The following CNR2 variants were observed in gnomAD, a reference collection of about 807,000 sequenced individuals.
The protein encoded by CNR2 is cannabinoid receptor 2.
For missense variants in CNR2, 379 were observed against 439.9 expected, an observed-to-expected ratio of 0.86 and a Z score of 1.24; for synonymous variants, 172 against 182.2, an observed-to-expected ratio of 0.94 and a Z score of 0.45.
At chr1:23,880,003 T>G (rs1281841168) in intron 1 of CNR2, among the ~76,000 whole-genome samples, 1 of 152,184 alleles carries the variant, frequency 6.6e-6, no homozygotes, top group African/African-American at 2.4e-5. Context: ...GGCTTCTTAA[T>G]CAGTCTTCTC....
chr1:23,879,485 T>C (rs537024777), intron 1 of CNR2, among the ~76,000 whole-genome samples: 3 of 152,246 alleles, frequency 2.0e-5, no homozygotes, highest in African/African-American at 7.2e-5. Context: ...TGGTGACATA[T>C]GCCTGTATTC....
intron 1 of CNR2, among the ~76,000 whole-genome samples, chr1:23,890,775 GACCCTCTTGACCT>G (rs1640177208): frequency 6.7e-6 from 1 of 149,728 alleles, no homozygotes; most frequent in African/African-American, 2.5e-5. Context: ...AGATCAAAGT[GACCCTCTTGACCT>G]GCTGCCCAGC....
At chr1:23,902,350 G>C in intron 1 of CNR2, 2 of 1,576,480 alleles carry the variant, frequency 1.3e-6, no homozygotes, top group Non-Finnish European at 1.7e-6. Context: ...TCAAACAGCC[G>C]GCTCTGGGAC....
intron 1 of CNR2, among the ~76,000 whole-genome samples, chr1:23,896,865 C>T (rs1174237572): frequency 6.9e-6 from 1 of 145,356 alleles, no homozygotes; most frequent in African/African-American, 2.6e-5. Flanking sequence ...TCAGTAGGTC[C>T]ATCTGCACCA....
rs982637789 is a variant in CNR2, at chr1:23,900,340, C to T, written c.-46+12906G>A. 3.9e-5 allele frequency among the ~76,000 whole-genome samples: 6 copies of T among 152,122 alleles called. No homozygotes were observed. The South Asian group carries it at 6.2e-4, about 16-fold the overall frequency. On this transcript the variant is annotated intron_variant, in intron 1 of 1. Transcript: ENST00000374472. ...GAGTAATAATAAAATTCCGGTCTCCCGCACAGCCAGCTCTGCATAAATTAC... is the reference window on the plus strand; with the variant it reads ...GAGTAATAATAAAATTCCGGTCTCCTGCACAGCCAGCTCTGCATAAATTAC...
chr1:23,902,772 T>C (rs1160786616), intron 1 of CNR2: 1 of 1,489,582 alleles, frequency 6.7e-7, no homozygotes, highest in Admixed American at 2.3e-5. Context: ...GGGTGGTTGT[T>C]GCCAAGTGTG....
chr1:23,878,413 GA>G (rs1180357562), intron 1 of CNR2, among the ~76,000 whole-genome samples: 1 of 149,884 alleles, frequency 6.7e-6, no homozygotes, highest in African/African-American at 2.5e-5. Context: ...AGACTATTCA[GA>G]TTTGGAAATC....
intron 1 of CNR2, among the ~76,000 whole-genome samples, chr1:23,894,433 A>T (rs76490496): frequency 0.18 from 26,254 of 149,700 alleles, 2,481 homozygotes; most frequent in East Asian, 0.35. Context: ...AAAAAAAAAA[A>T]TTTTTTTAAT....
intron 1 of CNR2, chr1:23,901,637 A>G (rs1640400448): frequency 1.3e-6 from 2 of 1,558,350 alleles, no homozygotes; most frequent in East Asian, 4.5e-5. Flanking sequence ...AGCACTGGCC[A>G]TGTAGAAGGT....
At position 23,873,027 on chromosome 1, in the gene CNR2, T is replaced by A. The variant is rs1639790222; in HGVS notation, c.*1508A>T. ...CATGTTTATGAGATGAATGAATAAG[T>A]GAATAGCTAGTGGATATTTTGTCTT... is the stretch of plus-strand genomic sequence containing the variant. On this transcript the variant is annotated 3_prime_UTR_variant, in exon 2 of 2. Coordinates refer to ENST00000374472, the MANE Select transcript of CNR2 (RefSeq NM_001841.3). 1 of 152,194 alleles carries A rather than the reference T, an allele frequency of 6.6e-6. No homozygotes were observed. 9.4% of individuals were successfully genotyped at this position (152,194 alleles called of 1,614,324 possible). A position where few individuals can be genotyped will look rare whatever the true frequency, so the allele number is the denominator to read the frequency against.
intron 1 of CNR2, among the ~76,000 whole-genome samples, chr1:23,887,881 C>T (rs1459727825): frequency 6.6e-6 from 1 of 152,150 alleles, no homozygotes; most frequent in Admixed American, 6.6e-5. Flanking sequence ...AACCGTCTGT[C>T]CCAAGAAACA....
chr1:23,911,581 G>A (rs1452187249), intron 1 of CNR2, among the ~76,000 whole-genome samples: 2 of 152,086 alleles, frequency 1.3e-5, no homozygotes, highest in African/African-American at 2.4e-5. Flanking sequence ...TGAGGCTCAG[G>A]GTCCTATTGA....
chr1:23,872,370 G>C lies in CNR2; in HGVS notation c.*2165C>G, dbSNP rs1639779117. 6.6e-6 allele frequency: 1 copy of C among 151,974 alleles called. No homozygotes were observed. The highest frequency in any genetic ancestry group is 2.4e-5 in the African/African-American group (1 of 41,384). 9.4% of individuals were successfully genotyped at this position (151,974 alleles called of 1,614,324 possible). On this transcript the variant is annotated 3_prime_UTR_variant, in exon 2 of 2. Transcript: ENST00000374472. ...TGAGACAGTAAATTTCTGTTGATAA[G>C]CCACTGGATTTGTGAAATTTATTAC... is the stretch of plus-strand genomic sequence containing the variant.
intron 1 of CNR2, among the ~76,000 whole-genome samples, chr1:23,883,205 A>G (rs1640022097): frequency 6.6e-6 from 1 of 152,234 alleles, no homozygotes; most frequent in Admixed American, 6.6e-5. Context: ...AGTAAGGCTG[A>G]CAATACTGAG....
chr1:23,876,705 C>T (rs1639882014), intron 1 of CNR2, among the ~76,000 whole-genome samples: 2 of 151,628 alleles, frequency 1.3e-5, no homozygotes, highest in Non-Finnish European at 2.9e-5. Flanking sequence ...CGTGATGGCA[C>T]GTGCCTGTAG....
At chr1:23,876,970 A>T (rs1033301187) in intron 1 of CNR2, among the ~76,000 whole-genome samples, 51 of 152,320 alleles carry the variant, frequency 3.3e-4, no homozygotes, top group African/African-American at 1.1e-3. Context: ...AAGCAAACTA[A>T]ACATTTATTT....
chr1:23,893,998 G>A (rs536833721), intron 1 of CNR2, among the ~76,000 whole-genome samples: 4 of 152,102 alleles, frequency 2.6e-5, no homozygotes, highest in African/African-American at 7.2e-5. Flanking sequence ...TTGTGTGCCT[G>A]TAGTCCCAGC....
chr1:23,894,962 C>T (rs1044489987), intron 1 of CNR2, among the ~76,000 whole-genome samples: 3 of 151,806 alleles, frequency 2.0e-5, no homozygotes, highest in Non-Finnish European at 4.4e-5. Context: ...GCTCACACCT[C>T]TAATCCTAGC....
intron 1 of CNR2, among the ~76,000 whole-genome samples, chr1:23,907,400 C>T (rs1262412127): frequency 1.2e-5 from 1 of 86,944 alleles, no homozygotes; most frequent in Non-Finnish European, 2.5e-5. Flanking sequence ...CAGAGGGAGA[C>T]CTTGTCTCAA....
Sources: gnomAD v4.1 joint callset for allele counts (sites outside exome capture counted in the v4.1 genomes callset) on GRCh38, gnomAD v4.1.1 for gene constraint, MANE v1.5 for transcripts, NCBI Gene and HGNC (gene_info 2026-07-23, HGNC 2026-07-21) for gene names.